FRRS1L: variants seen among roughly 807,000 people sequenced by gnomAD.
FRRS1L encodes DOMON domain-containing protein FRRS1L.
In FRRS1L, 22 loss-of-function variants were observed where a neutral mutation model predicts 28.6. The observed-to-expected ratio is 0.77, with a 90% CI of 0.55 to 1.10. The LOEUF (loss-of-function observed/expected upper bound fraction) is 1.10. Ranked by LOEUF, FRRS1L falls within the 50% of genes least tolerant of loss-of-function variation. The pLI is 0.00. For synonymous variants in FRRS1L, 158 were observed against 151.4 expected (o/e 1.04, Z -0.32); for missense variants, 380 against 386.9 (o/e 0.98, Z 0.15).
rs1831566217 is a variant in FRRS1L at position 109,167,155 on chromosome 9, C to G, written c.-17G>C. On this transcript the variant is annotated 5_prime_UTR_variant, in exon 1 of 5. Transcript: ENST00000561981. The stretch of plus-strand genomic sequence containing the variant: ...CCGCGCCATCCGTGCGCACAGATCC[C>G]GCAGCCAGGCCGCTCGGGCCGCAGC... 3 of 1,142,322 alleles carry G rather than the reference C, an allele frequency of 2.6e-6. No homozygotes were observed. Among genetic ancestry groups the G allele is most frequent in the Non-Finnish European group, 3.2e-6 (3 of 934,904 alleles). The allele number at this position is 1,142,322 out of a possible 1,614,324, so 70.8% of individuals were successfully genotyped here.
At chr9:109,145,786 A>T (rs2118479356) in intron 3 of FRRS1L, among the ~76,000 whole-genome samples, 1 of 152,246 alleles carries the variant, frequency 6.6e-6, no homozygotes, top group South Asian at 2.1e-4. Context: ...AGGTGCCTGA[A>T]GGGTAGCACA....
chr9:109,134,626 T>C lies in FRRS1L; in HGVS notation c.*2829A>G, dbSNP rs1253126727. On this transcript the variant is annotated 3_prime_UTR_variant, in exon 5 of 5. Coordinates refer to ENST00000561981, the MANE Select transcript of FRRS1L (RefSeq NM_014334.4). ...TTACCTTAATGGCACTGAGAAGTCA[T>C]TGAAAGTTCTAAGCATAAATAAGCA... 2 of 152,164 alleles carry C rather than the reference T, an allele frequency of 1.3e-5. No individual in the cohort carries two copies. Among genetic ancestry groups the C allele is most frequent in the African/African-American group, 2.4e-5 (1 of 41,428 alleles). The allele number at this position is 152,164 out of a possible 1,614,324, so 9.4% of individuals were successfully genotyped here.
At position 109,147,273 on chromosome 9, in the gene FRRS1L, T is replaced by C. The variant is rs1831275655; in HGVS notation, c.324-84A>G. The C allele has an allele frequency of 9.2e-5, 104 of 1,133,014 alleles. No individual in the cohort carries two copies. In the South Asian group the frequency reaches 1.2e-3, roughly 14 times the overall value. The allele number at this position is 1,133,014 out of a possible 1,614,324, so 70.2% of individuals were successfully genotyped here. On this transcript the variant is annotated intron_variant, in intron 2 of 4. Coordinates refer to ENST00000561981, the MANE Select transcript of FRRS1L (RefSeq NM_014334.4). Reference sequence around the variant, plus strand: ...AGCATCTACCATGTATCATGTGGGATGCTAAGCAATATTATTAAACACATT... The same window carrying C: ...AGCATCTACCATGTATCATGTGGGACGCTAAGCAATATTATTAAACACATT...
At chr9:109,155,967 T>C (rs891046858) in intron 1 of FRRS1L, among the ~76,000 whole-genome samples, 1 of 152,168 alleles carries the variant, frequency 6.6e-6, no homozygotes, top group African/African-American at 2.4e-5. Context: ...AATAAAACTG[T>C]TGCAGAAAAA....
At position 109,147,078 on chromosome 9, in the gene FRRS1L, T is replaced by C. The variant is rs754475312; in HGVS notation, c.435A>G (p.Ala145=). 5 of 1,614,034 alleles carry C rather than the reference T, an allele frequency of 3.1e-6. No homozygotes were observed. The highest frequency in any genetic ancestry group is 4.2e-6 in the Non-Finnish European group (5 of 1,179,876). The change falls in exon 3 of 5, where the codon GCA becomes GCG. Residue 145 remains alanine (A), a synonymous_variant. Transcript: ENST00000561981. Reference sequence around the variant, plus strand: ...TTTTCTTGTCTGAAGAGAATCCAACTGCTACCCAACCATCTGTGTCTGCAC... The same window carrying C: ...TTTTCTTGTCTGAAGAGAATCCAACCGCTACCCAACCATCTGTGTCTGCAC... The part of the protein sequence containing the change: ...ELSADTDGWV[A]VGFSSDKKMG...
chr9:109,147,067 G>A lies in FRRS1L; in HGVS notation c.446C>T (p.Ser149Phe). Residue 149 changes from serine to phenylalanine, a missense_variant, in exon 3 of 5, where the codon TCT becomes TTT. Transcript: ENST00000561981. ...GCATCTTACCATTTTCTTGTCTGAA[G>A]AGAATCCAACTGCTACCCAACCATC... ...DTDGWVAVGF[S>F]SDKKMGGDDV... 2 of 1,613,978 alleles carry A rather than the reference G, an allele frequency of 1.2e-6. No homozygotes were observed. Among genetic ancestry groups the A allele is most frequent in the Non-Finnish European group, 1.7e-6 (2 of 1,179,846 alleles).
At chr9:109,157,548 G>A (rs1245714091) in intron 1 of FRRS1L, among the ~76,000 whole-genome samples, 1 of 151,988 alleles carries the variant, frequency 6.6e-6, no homozygotes, top group Non-Finnish European at 1.5e-5. Flanking sequence ...CACCATGCCT[G>A]GCTAATTTTT....
At chr9:109,145,574 G>T (rs1367142831) in intron 3 of FRRS1L, among the ~76,000 whole-genome samples, 3 of 151,958 alleles carry the variant, frequency 2.0e-5, no homozygotes, top group African/African-American at 7.3e-5. Flanking sequence ...TGTATTACAG[G>T]TGGGATTACA....
Position 109,166,787 on chromosome 9 carries a change from G to A in FRRS1L, c.238+114C>T, listed in dbSNP as rs556205012. ...CGCCTCTGCAAGAGCTGCCTCCACG[G>A]ACATCTTTTCCGACCCCCTCCCCCT... On this transcript the variant is annotated intron_variant, in intron 1 of 4. Transcript: ENST00000561981. The A allele has an allele frequency of 6.1e-5, 32 of 524,154 alleles. No homozygotes were observed. In the South Asian group the frequency reaches 2.6e-3, roughly 42 times the overall value. 32.5% of individuals were successfully genotyped at this position (524,154 alleles called of 1,614,324 possible). A position where few individuals can be genotyped will look rare whatever the true frequency, so the allele number is the denominator to read the frequency against.
chr9:109,141,700 A>T (rs920974120), intron 3 of FRRS1L, 111 bp from the exon 4 acceptor site: 1 of 1,256,806 alleles, frequency 8.0e-7, no homozygotes, highest in African/African-American at 1.5e-5. Context: ...CCACCAAAAA[A>T]ATTCTTTTAA....
intron 3 of FRRS1L, among the ~76,000 whole-genome samples, chr9:109,143,640 G>A (rs1040124989): frequency 9.3e-5 from 14 of 150,136 alleles, no homozygotes; most frequent in Non-Finnish European, 1.5e-4. Flanking sequence ...TCAGCCTCCC[G>A]AGTGGCTGGG....
intron 1 of FRRS1L, among the ~76,000 whole-genome samples, chr9:109,160,180 T>C (rs1057265824): frequency 2.0e-5 from 3 of 152,202 alleles, no homozygotes; most frequent in Admixed American, 6.5e-5. Context: ...TTTTCTTCTA[T>C]CAGTTTAAAC....
At chr9:109,141,309 G>A (rs777949747) in intron 4 of FRRS1L, 34 bp downstream of exon 4, 1 of 1,610,858 alleles carries the variant, frequency 6.2e-7, no homozygotes, top group South Asian at 1.1e-5. Flanking sequence ...AGTGGTGTCT[G>A]GCGTTTAATC....
intron 1 of FRRS1L, chr9:109,152,127 A>T (rs1831337045): frequency 6.6e-6 from 1 of 151,936 alleles, no homozygotes; most frequent in African/African-American, 2.4e-5. Context: ...AATAAATACC[A>T]GTTACTATTA....
chr9:109,144,722 T>C (rs1367079713), intron 3 of FRRS1L, among the ~76,000 whole-genome samples: 1 of 151,942 alleles, frequency 6.6e-6, no homozygotes, highest in Non-Finnish European at 1.5e-5. Flanking sequence ...TCATTCTCGT[T>C]GCCCAGGCTG....
Position 109,133,939 on chromosome 9 carries a change from C to T in FRRS1L, c.*3516G>A, listed in dbSNP as rs1011260245. On this transcript the variant is annotated 3_prime_UTR_variant, in exon 5 of 5. Coordinates refer to ENST00000561981, the MANE Select transcript of FRRS1L (RefSeq NM_014334.4). ...ATCACTTCAGCATGTCTATCGACTG[C>T]TAGTTCTCTGAGATAATGGTCAAAG... The T allele has an allele frequency of 6.6e-6, 1 of 152,186 alleles. No homozygotes were observed. Among genetic ancestry groups the T allele is most frequent in the African/African-American group, 2.4e-5 (1 of 41,450 alleles). 9.4% of individuals were successfully genotyped at this position (152,186 alleles called of 1,614,324 possible).
At chr9:109,166,200 C>T (rs1831546285) in intron 1 of FRRS1L, among the ~76,000 whole-genome samples, 1 of 152,200 alleles carries the variant, frequency 6.6e-6, no homozygotes, top group African/African-American at 2.4e-5. Context: ...CTTCTGACCA[C>T]CATCCGCTTG....
Position 109,159,912 on chromosome 9 carries a change from A to T in FRRS1L, c.238+6989T>A, listed in dbSNP as rs148125853. ...GCCAGCCTGCATAATCATGTGAACC[A>T]GTTCCTTAAAATAAATCTGTCTACA... is the stretch of plus-strand genomic sequence containing the variant. On this transcript the variant is annotated intron_variant, in intron 1 of 4. Coordinates refer to ENST00000561981, the MANE Select transcript of FRRS1L (RefSeq NM_014334.4). Among the ~76,000 whole-genome samples the T allele has an allele frequency of 3.4e-4, 52 of 152,240 alleles. 2 individuals are homozygous for T. In the Middle Eastern group the frequency reaches 0.024, roughly 70 times the overall value.
intron 1 of FRRS1L, among the ~76,000 whole-genome samples, chr9:109,162,515 T>C (rs1588104947): frequency 6.6e-6 from 1 of 152,350 alleles, no homozygotes; most frequent in Middle Eastern, 3.4e-3. Flanking sequence ...GGTCAGTTTC[T>C]TTATCTCTAC....
Sources: allele counts gnomAD v4.1 joint callset (sites outside exome capture counted in the v4.1 genomes callset), GRCh38; gene constraint gnomAD v4.1.1; transcripts MANE v1.5; gene names NCBI Gene and HGNC (gene_info 2026-07-23, HGNC 2026-07-21).